AGBL3: variants seen among roughly 807,000 people sequenced by gnomAD.
The protein encoded by AGBL3 is AGBL carboxypeptidase 3, also known as cytosolic carboxypeptidase 3.
In AGBL3, 68 loss-of-function variants were observed where a neutral mutation model predicts 94.5. The ratio of observed to expected loss-of-function variants is 0.72; its 90% CI spans 0.59 to 0.88. The LOEUF is 0.88. AGBL3 is among the 40% of genes least tolerant of loss of function. The probability of loss-of-function intolerance (pLI) is 0.00; values close to 1 mark genes in which losing one functional copy is unlikely to be tolerated. For synonymous variants in AGBL3, 354 were observed against 370.7 expected (o/e 0.95, Z 0.52); for missense variants, 934 against 1,103.8 (o/e 0.85, Z 2.18).
At position 135,128,685 on chromosome 7, in the gene AGBL3, G is replaced by T. The variant is rs1339646792; in HGVS notation, c.2343-6156G>T. The T allele has an allele frequency of 5.4e-6, 7 of 1,290,232 alleles. No homozygotes were observed. The Admixed American group carries it at 1.2e-4, about 23-fold the overall frequency. 79.9% of individuals were successfully genotyped at this position (1,290,232 alleles called of 1,614,324 possible). A position where few individuals can be genotyped will look rare whatever the true frequency, so the allele number is the denominator to read the frequency against. On this transcript the variant is annotated intron_variant, in intron 16 of 16. Transcript: ENST00000436302. ...AGAGACCCTAGTATACCTGAATATT[G>T]TCTCTCCTTTTGAGCTCAAGATTGA...
intron 15 of AGBL3, among the ~76,000 whole-genome samples, chr7:135,086,042 A>G (rs1053916260): frequency 7.9e-5 from 12 of 151,912 alleles, no homozygotes; most frequent in African/African-American, 2.9e-4. Context: ...CCTTGTAGAG[A>G]TATTTCACCT....
chr7:135,003,059 TTGTC>T (rs537456217), intron 4 of AGBL3, among the ~76,000 whole-genome samples: 88 of 152,312 alleles, frequency 5.8e-4, no homozygotes, highest in African/African-American at 2.1e-3. Context: ...TGTAGTTACT[TTGTC>T]TATCATTTTT....
At chr7:135,105,723 T>G (rs977009692) in intron 15 of AGBL3, among the ~76,000 whole-genome samples, 1 of 152,182 alleles carries the variant, frequency 6.6e-6, no homozygotes, top group Non-Finnish European at 1.5e-5. Flanking sequence ...GGCTTTTGTT[T>G]GTTTGTTTGT....
chr7:135,067,242 C>G (rs1281810919), intron 12 of AGBL3, among the ~76,000 whole-genome samples: 1 of 152,208 alleles, frequency 6.6e-6, no homozygotes, highest in Non-Finnish European at 1.5e-5. Context: ...GGCCAGGAAG[C>G]TCGAACTGGG....
At chr7:135,092,221 A>C (rs374562039) in intron 15 of AGBL3, 1 of 152,228 alleles carries the variant, frequency 6.6e-6, no homozygotes, top group African/African-American at 2.4e-5. Flanking sequence ...GTTTAATAGA[A>C]AGAGAAAAGT....
chr7:135,061,464 C>T (rs1818834275), intron 12 of AGBL3, among the ~76,000 whole-genome samples: 1 of 152,086 alleles, frequency 6.6e-6, no homozygotes, highest in African/African-American at 2.4e-5. Context: ...AATGATTGCC[C>T]AGACCAATGT....
chr7:135,062,716 C>G (rs921352430), intron 12 of AGBL3, among the ~76,000 whole-genome samples: 3 of 152,086 alleles, frequency 2.0e-5, no homozygotes, highest in African/African-American at 7.2e-5. Flanking sequence ...ATGAATCTCA[C>G]TTGATCATGA....
intron 15 of AGBL3, chr7:135,101,285 CTTG>C (rs1298859180): frequency 2.2e-6 from 1 of 455,382 alleles, no homozygotes; most frequent in South Asian, 1.6e-5. Context: ...AAGGTTGTTA[CTTG>C]TTTTTATTGT....
At chr7:135,032,516 C>T (rs1815869994) in intron 5 of AGBL3, among the ~76,000 whole-genome samples, 1 of 150,998 alleles carries the variant, frequency 6.6e-6, no homozygotes, top group South Asian at 2.1e-4. Flanking sequence ...AGGCTTTCAC[C>T]ATGTTGCCCA....
At chr7:135,132,476 T>TA (rs1244480842) in intron 16 of AGBL3, among the ~76,000 whole-genome samples, 1 of 152,156 alleles carries the variant, frequency 6.6e-6, no homozygotes, top group Non-Finnish European at 1.5e-5. Context: ...CCATCCATGA[T>TA]AAAAAGTCTC....
chr7:135,088,267 T>C (rs1352554352), intron 15 of AGBL3, among the ~76,000 whole-genome samples: 2 of 152,134 alleles, frequency 1.3e-5, no homozygotes, highest in Admixed American at 6.5e-5. Flanking sequence ...ATTCAGTCTA[T>C]ATCTTTTAAG....
intron 15 of AGBL3, among the ~76,000 whole-genome samples, chr7:135,083,208 T>C (rs1821066068): frequency 6.6e-6 from 1 of 152,158 alleles, no homozygotes; most frequent in Non-Finnish European, 1.5e-5. Context: ...AGGAGTTCTG[T>C]AGTTTTCTAG....
At chr7:135,001,760 C>A (rs1345024824) in intron 4 of AGBL3, among the ~76,000 whole-genome samples, 1 of 152,160 alleles carries the variant, frequency 6.6e-6, no homozygotes, top group Non-Finnish European at 1.5e-5. Flanking sequence ...GTAGCTTGGA[C>A]CAGCTGAAAT....
intron 16 of AGBL3, among the ~76,000 whole-genome samples, chr7:135,128,117 C>G (rs991631296): frequency 6.6e-6 from 1 of 151,584 alleles, no homozygotes; most frequent in Non-Finnish European, 1.5e-5. Context: ...TATGGTGAAA[C>G]CCCGTCTCTA....
At chr7:134,999,898 T>C (rs1266887091) in intron 4 of AGBL3, among the ~76,000 whole-genome samples, 1 of 152,246 alleles carries the variant, frequency 6.6e-6, no homozygotes, top group Non-Finnish European at 1.5e-5. Context: ...AGGATGTTGA[T>C]TATCCACCTT....
intron 12 of AGBL3, among the ~76,000 whole-genome samples, chr7:135,069,079 A>C (rs1216235581): frequency 2.0e-5 from 3 of 152,234 alleles, no homozygotes; most frequent in Non-Finnish European, 2.9e-5. Flanking sequence ...TTGCAATCCT[A>C]GTCTCTGATA....
intron 15 of AGBL3, chr7:135,092,309 T>C (rs1821968846): frequency 6.6e-6 from 1 of 152,218 alleles, no homozygotes; most frequent in Non-Finnish European, 1.5e-5. Flanking sequence ...AATCTGAACA[T>C]TCATTGGTAT....
chr7:135,115,426 C>T lies in AGBL3; in HGVS notation c.2157C>T (p.Phe719=), dbSNP rs891105449. 3.2e-6 allele frequency: 5 copies of T among 1,551,206 alleles called. No homozygotes were observed. The highest frequency in any genetic ancestry group is 2.4e-5 in the South Asian group (2 of 84,024). ...GCAAAATAAAAGAATGCATATCTTT[C>T]CAAAGCAAGAAGACTGGCATAAATT... is the stretch of plus-strand genomic sequence containing the variant. The part of the protein sequence containing the change: ...LKSKIKECIS[F]QSKKTGINWT... Residue 719 remains phenylalanine, a synonymous_variant, in exon 16 of 17, where the codon TTC becomes TTT. Coordinates refer to ENST00000436302, the MANE Select transcript of AGBL3 (RefSeq NM_178563.4).
rs377180518 is a variant in AGBL3 at position 135,108,180 on chromosome 7, T to C, written c.2111-7200T>C. Among the ~76,000 whole-genome samples, 17 of 152,322 alleles carry C rather than the reference T, an allele frequency of 1.1e-4. No individual in the cohort carries two copies. In the South Asian group the frequency reaches 3.3e-3, roughly 30 times the overall value. ...TGTTTTTTTCCAGCTTGCCACTCTG[T>C]ACCTTTTAAATGGGGGCATTTAGCC... is the stretch of plus-strand genomic sequence containing the variant. On this transcript the variant is annotated intron_variant, in intron 15 of 16. Coordinates refer to ENST00000436302, the MANE Select transcript of AGBL3 (RefSeq NM_178563.4).
Sources: allele counts gnomAD v4.1 joint callset (sites outside exome capture counted in the v4.1 genomes callset), GRCh38; gene constraint gnomAD v4.1.1; transcripts MANE v1.5; gene names NCBI Gene and HGNC (gene_info 2026-07-23, HGNC 2026-07-21).